DDX1: variants seen among roughly 807,000 people sequenced by gnomAD.
DDX1 encodes DEAD-box helicase 1, also known as ATP-dependent RNA helicase DDX1.
Under a neutral mutation model 108.7 loss-of-function variants are expected in DDX1, and 28 were observed. The ratio of observed to expected loss-of-function variants is 0.26; its 90% confidence interval spans 0.19 to 0.35. The LOEUF (loss-of-function observed/expected upper bound fraction) is 0.35. DDX1 is among the 10% of genes least tolerant of loss of function. The probability of loss-of-function intolerance (pLI) is 1.00; values close to 1 mark genes in which losing one functional copy is unlikely to be tolerated. For missense variants in DDX1, 710 were observed against 884.5 expected (o/e 0.80, Z 2.50); for synonymous variants, 295 against 288.9 (o/e 1.02, Z -0.21).
intron 19 of DDX1, among the ~76,000 whole-genome samples, chr2:15,626,180 A>T (rs1666098424): frequency 6.6e-6 from 1 of 152,104 alleles, no homozygotes; most frequent in Admixed American, 6.6e-5. Context: ...GGATCAAAGG[A>T]TCCCTCTCCC....
chr2:15,621,573 T>C (rs1348136165), intron 18 of DDX1, among the ~76,000 whole-genome samples: 1 of 151,794 alleles, frequency 6.6e-6, no homozygotes, highest in East Asian at 1.9e-4. Context: ...CCCAAAGTTC[T>C]GGGATTACAG....
chr2:15,596,751 T>C lies in DDX1; in HGVS notation c.150T>C (p.Ser50=), dbSNP rs1293844211. The change falls in exon 4 of 26, where the codon AGT becomes AGC. Residue 50 remains serine, a synonymous_variant. Coordinates refer to ENST00000233084, the MANE Select transcript of DDX1 (RefSeq NM_004939.3). The part of the protein sequence containing the change: ...GDVLMAAETG[S]GKTGAFSIPV... ...TCATTCAGGCTGCAGAAACAGGAAGTGGCAAAACTGGTGTAAGTAATAAAT... is the reference window on the plus strand; with the variant it reads ...TCATTCAGGCTGCAGAAACAGGAAGCGGCAAAACTGGTGTAAGTAATAAAT... The C allele has an allele frequency of 3.1e-6, 5 of 1,610,970 alleles. No homozygotes were observed. Among genetic ancestry groups the C allele is most frequent in the East Asian group, 2.2e-5 (1 of 44,840 alleles).
chr2:15,612,581 C>T (rs1208229597), intron 13 of DDX1, among the ~76,000 whole-genome samples: 2 of 151,456 alleles, frequency 1.3e-5, no homozygotes, highest in Admixed American at 6.6e-5. Flanking sequence ...CAGGCAGAGA[C>T]GCTCCTCACT....
At chr2:15,616,787 C>A (rs1160183114) in intron 14 of DDX1, among the ~76,000 whole-genome samples, 1 of 152,162 alleles carries the variant, frequency 6.6e-6, no homozygotes, top group Non-Finnish European at 1.5e-5. Flanking sequence ...GCGTCTAGTG[C>A]TTTACGCATC....
intron 19 of DDX1, among the ~76,000 whole-genome samples, chr2:15,626,479 T>C (rs1666101994): frequency 6.6e-6 from 1 of 152,158 alleles, no homozygotes; most frequent in Non-Finnish European, 1.5e-5. Context: ...CTCTTTTTGT[T>C]ACTGTGTCTA....
At chr2:15,600,740 CTTTTTTTTTTTTTT>C (rs1157559293) in intron 6 of DDX1, among the ~76,000 whole-genome samples, 2,482 of 73,732 alleles carry the variant, frequency 0.034, 37 homozygotes, top group Middle Eastern at 0.067. Context: ...TTTGCATTTT[CTTTTTTTTTTTTTT>C]TTTTTTTTTT....
chr2:15,602,720 A>C, intron 7 of DDX1, 89 bp downstream of exon 7: 1 of 1,065,972 alleles, frequency 9.4e-7, no homozygotes, highest in Non-Finnish European at 1.4e-6. Context: ...TTTGTTTTTG[A>C]GATGGAGTCT....
chr2:15,630,878 T>C lies in DDX1; in HGVS notation c.2195T>C (p.Leu732Pro). ...ACATCTTTCCTGCATCTTGGCTACC[T>C]TCCTAACCAGCTGTTCAGAACCTTC... Reference protein sequence around the residue: ...AQTSFLHLGYLPNQLFRTF With the variant: ...AQTSFLHLGYPPNQLFRTF Residue 732 changes from leucine to proline, a missense_variant, in exon 26 of 26, where the codon CTT becomes CCT. Around this residue, in one of 3 missense-constraint regions of DDX1, gnomAD observed 661 missense variants for 810.2 expected, o/e 0.82. Coordinates refer to ENST00000233084, the MANE Select transcript of DDX1 (RefSeq NM_004939.3). 6.2e-7 allele frequency: 1 copy of C among 1,614,156 alleles called. No individual in the cohort carries two copies. Among genetic ancestry groups the C allele is most frequent in the Non-Finnish European group, 8.5e-7 (1 of 1,179,992 alleles).
intron 13 of DDX1, among the ~76,000 whole-genome samples, chr2:15,609,159 G>A (rs753051638): frequency 2.0e-5 from 3 of 152,180 alleles, no homozygotes; most frequent in East Asian, 1.9e-4. Context: ...ACTCAGGGAC[G>A]TCTTTATAAA....
intron 20 of DDX1, 54 bp from the exon 21 acceptor site, chr2:15,628,391 A>G: frequency 7.5e-7 from 1 of 1,329,028 alleles, no homozygotes; most frequent in South Asian, 1.2e-5. Context: ...ATTTGTTTTT[A>G]TTGTTTAGTA....
At chr2:15,629,755 T>A in intron 24 of DDX1, 58 bp downstream of exon 24, 1 of 1,331,906 alleles carries the variant, frequency 7.5e-7, no homozygotes, top group Non-Finnish European at 1.0e-6. Flanking sequence ...TAGAAAGCAT[T>A]TATCTTCAAA....
intron 9 of DDX1, among the ~76,000 whole-genome samples, chr2:15,604,196 C>T (rs568691723): frequency 4.4e-4 from 67 of 152,104 alleles, no homozygotes; most frequent in Non-Finnish European, 7.9e-4. Flanking sequence ...TATTATTGAT[C>T]ATGATGAGTC....
At chr2:15,622,829 G>A (rs1389527428) in intron 18 of DDX1, among the ~76,000 whole-genome samples, 8 of 152,050 alleles carry the variant, frequency 5.3e-5, no homozygotes, top group Admixed American at 6.5e-5. Flanking sequence ...AAATATGTTG[G>A]GTCACAGAAT....
intron 9 of DDX1, 67 bp downstream of exon 9, chr2:15,603,957 A>G: frequency 3.0e-6 from 3 of 1,015,916 alleles, no homozygotes; most frequent in Non-Finnish European, 4.5e-6. Flanking sequence ...ATCACTCATG[A>G]CAGAATGAGG....
rs193075454 is a variant in DDX1, at chr2:15,620,193, G to A, written c.1207-15G>A. ...TTATAAAAGTTCATCTCAATTTGGG[G>A]TTTCCTCTTCTTAGGTGATTGTTTG... On this transcript the variant is annotated splice_polypyrimidine_tract_variant and intron_variant, in intron 16 of 25. Coordinates refer to ENST00000233084, the MANE Select transcript of DDX1 (RefSeq NM_004939.3). The A allele has an allele frequency of 1.7e-5, 27 of 1,601,930 alleles. No homozygotes were observed. In the East Asian group the frequency reaches 5.8e-4, roughly 34 times the overall value.
intron 13 of DDX1, among the ~76,000 whole-genome samples, chr2:15,607,674 C>T (rs1207785251): frequency 1.3e-5 from 2 of 152,040 alleles, no homozygotes; most frequent in Non-Finnish European, 2.9e-5. Flanking sequence ...GCAACCTTGA[C>T]CTCCTGGACT....
chr2:15,626,786 G>A (rs1319009464), intron 19 of DDX1, among the ~76,000 whole-genome samples: 2 of 152,056 alleles, frequency 1.3e-5, no homozygotes, highest in Admixed American at 1.3e-4. Flanking sequence ...ATTTTAGTTG[G>A]TACACTGCTT....
intron 13 of DDX1, among the ~76,000 whole-genome samples, chr2:15,611,797 C>T (rs1185817780): frequency 8.9e-6 from 1 of 112,888 alleles, no homozygotes; most frequent in Non-Finnish European, 1.8e-5. Context: ...GCTGACCCCC[C>T]CACCTCCCTC....
intron 12 of DDX1, 58 bp downstream of exon 12, chr2:15,606,322 C>T (rs1665661641): frequency 3.9e-6 from 5 of 1,274,202 alleles, no homozygotes; most frequent in Non-Finnish European, 5.6e-6. Flanking sequence ...GATGAGAACT[C>T]CAGTAAGTAA....
Sources: allele counts gnomAD v4.1 joint callset (sites outside exome capture counted in the v4.1 genomes callset), GRCh38; gene constraint gnomAD v4.1.1; regional missense constraint gnomAD v4.1.1; transcripts MANE v1.5; gene names NCBI Gene and HGNC (gene_info 2026-07-23, HGNC 2026-07-21).